MPV17: variants seen among roughly 807,000 people sequenced by gnomAD.
The protein encoded by MPV17 is mitochondrial inner membrane protein MPV17, also known as MPV17, mitochondrial inner membrane protein.
In MPV17, 31 loss-of-function variants were observed where a neutral mutation model predicts 28.6. The observed-to-expected ratio is 1.08, with a 90% CI of 0.81 to 1.46. The LOEUF (loss-of-function observed/expected upper bound fraction) is 1.46. Among genes scored for constraint, MPV17 ranks in the 40% most tolerant of loss-of-function variants. The pLI is 0.00. For missense variants in MPV17, 198 were observed against 216.2 expected (o/e 0.92, Z 0.53); for synonymous variants, 87 against 85.3 (o/e 1.02, Z -0.11).
chr2:27,318,860 G>A (rs1246936028), intron 2 of MPV17, among the ~76,000 whole-genome samples: 2 of 151,192 alleles, frequency 1.3e-5, no homozygotes, highest in East Asian at 2.0e-4. Context: ...CGCCTCCCAG[G>A]CTCAAGCAAT....
At chr2:27,321,506 GT>G (rs1202615632) in intron 2 of MPV17, among the ~76,000 whole-genome samples, 2 of 152,208 alleles carry the variant, frequency 1.3e-5, no homozygotes, top group African/African-American at 4.8e-5. Flanking sequence ...CAGAAGGCCA[GT>G]CATCACTAGA....
At chr2:27,312,797 C>T (rs1277524156) in intron 3 of MPV17, 25 bp from the exon 4 acceptor site, 3 of 1,612,300 alleles carry the variant, frequency 1.9e-6, no homozygotes, top group Admixed American at 1.7e-5. Flanking sequence ...CAGATAGCAG[C>T]AGGCTGCAGT....
chr2:27,309,770 C>A lies in MPV17; in HGVS notation c.*142G>T. On this transcript the variant is annotated 3_prime_UTR_variant, in exon 8 of 8. Coordinates refer to ENST00000380044, the MANE Select transcript of MPV17 (RefSeq NM_002437.5). ...GTGTACATTTTAGAGTGAAGAGGGG[C>A]ATTGCAGGGTGCTAGTCCTCTTAAG... 2.8e-6 allele frequency: 2 copies of A among 715,428 alleles called. No individual in the cohort carries two copies. Among genetic ancestry groups the A allele is most frequent in the South Asian group, 1.5e-5 (1 of 67,168 alleles). The allele number at this position is 715,428 out of a possible 1,614,324, so 44.3% of individuals were successfully genotyped here.
chr2:27,310,084 T>C (rs1679372767), intron 7 of MPV17, 103 bp from the exon 8 acceptor site: 9 of 914,940 alleles, frequency 9.8e-6, no homozygotes, highest in South Asian at 5.5e-5. Flanking sequence ...TGACAAAGGA[T>C]TGGCAGGTTT....
In MPV17 at chr2:27,312,707, A is replaced by C. The variant is rs1019758233; in HGVS notation, c.252T>G (p.Asp84Glu). The C allele has an allele frequency of 9.3e-6, 15 of 1,614,102 alleles. No individual in the cohort carries two copies. Among genetic ancestry groups the C allele is most frequent in the Non-Finnish European group, 1.3e-5 (15 of 1,180,052 alleles). Residue 84 changes from aspartate (D) to glutamate (E), a missense_variant, in exon 4 of 8, where the codon GAT (aspartate) becomes GAG (glutamate). Coordinates refer to ENST00000380044, the MANE Select transcript of MPV17 (RefSeq NM_002437.5). ...DRFIPGTTKV[D>E]ALKKMLLDQG... Reference sequence around the variant, plus strand: ...GATCCAACAACATCTTCTTCAGTGCATCCACTTTGGTGGTGCCAGGGATGA... The same window carrying C: ...GATCCAACAACATCTTCTTCAGTGCCTCCACTTTGGTGGTGCCAGGGATGA...
intron 7 of MPV17, chr2:27,311,639 G>C (rs899953027): frequency 6.4e-7 from 1 of 1,550,554 alleles, no homozygotes; most frequent in Admixed American, 2.0e-5. Flanking sequence ...ACGGAGCTCA[G>C]GTGGGATGGA....
intron 2 of MPV17, chr2:27,316,114 C>G (rs1216931300): frequency 6.4e-7 from 1 of 1,551,012 alleles, no homozygotes; most frequent in Non-Finnish European, 8.7e-7. Context: ...TGCACTTCCT[C>G]TCTGTCTTTA....
At position 27,312,891 on chromosome 2, in the gene MPV17, C is replaced by T. The variant is rs1246661999; in HGVS notation, c.186+103G>A. The T allele has an allele frequency of 1.5e-5, 23 of 1,536,846 alleles. No homozygotes were observed. The East Asian group carries it at 1.8e-4, about 12-fold the overall frequency. On this transcript the variant is annotated intron_variant, in intron 3 of 7. Transcript: ENST00000380044. ...AAGTGGACACTAAGAAAAAAGAGGG[C>T]GGCAGGTTGGCTTAGGTGTGAGAGT...
intron 7 of MPV17, 96 bp from the exon 8 acceptor site, chr2:27,310,077 C>A: frequency 1.1e-6 from 1 of 949,366 alleles, no homozygotes; most frequent in Non-Finnish European, 1.7e-6. Flanking sequence ...GGGATCATGA[C>A]AAAGGATTGG....
chr2:27,311,974 T>A (rs374924042), intron 6 of MPV17, 23 bp from the exon 7 acceptor site: 270 of 1,611,792 alleles, frequency 1.7e-4, no homozygotes, highest in Non-Finnish European at 2.2e-4. Context: ...ATGTAAAGGT[T>A]GGATGGCTGC....
chr2:27,321,328 G>T (rs1679851489), intron 2 of MPV17, among the ~76,000 whole-genome samples: 1 of 152,222 alleles, frequency 6.6e-6, no homozygotes, highest in Non-Finnish European at 1.5e-5. Context: ...GACAAGAGGT[G>T]GTTGGGCACC....
chr2:27,311,416 G>A (rs1679434874), intron 7 of MPV17: 2 of 663,952 alleles, frequency 3.0e-6, no homozygotes, highest in Non-Finnish European at 5.1e-6. Flanking sequence ...TGTTCCCTCT[G>A]AAGCGTTCCA....
chr2:27,311,713 T>G (rs1454351348), intron 7 of MPV17, 186 bp downstream of exon 7: 1 of 1,551,536 alleles, frequency 6.4e-7, no homozygotes, highest in Non-Finnish European at 8.7e-7. Flanking sequence ...GCAGACACTC[T>G]GGGACAGTTT....
chr2:27,313,411 G>T (rs935182901), intron 2 of MPV17: 2 of 602,286 alleles, frequency 3.3e-6, no homozygotes, highest in Non-Finnish European at 5.8e-6. Flanking sequence ...AGAATTTAAG[G>T]CCACAGGGCT....
rs1679678049 is a variant in MPV17 at position 27,316,977 on chromosome 2, C to T, written c.71-3868G>A. On this transcript the variant is annotated intron_variant, in intron 2 of 7. Coordinates refer to ENST00000380044, the MANE Select transcript of MPV17 (RefSeq NM_002437.5). ...GCCTCTGAGCAGATCAATTTGGGAC[C>T]ACTTCCTGCCCACTAGTGGAAAAGC... is the stretch of plus-strand genomic sequence containing the variant. The T allele has an allele frequency of 7.8e-6, 9 of 1,160,748 alleles. No homozygotes were observed. The Admixed American group carries it at 1.5e-4, about 20-fold the overall frequency. The allele number at this position is 1,160,748 out of a possible 1,614,324, so 71.9% of individuals were successfully genotyped here. A position where few individuals can be genotyped will look rare whatever the true frequency, so the allele number is the denominator to read the frequency against.
chr2:27,317,365 G>A lies in MPV17; in HGVS notation c.71-4256C>T. The A allele has an allele frequency of 1.3e-6, 1 of 755,806 alleles. No individual in the cohort carries two copies. The highest frequency in any genetic ancestry group is 2.0e-6 in the Non-Finnish European group (1 of 496,264). The allele number at this position is 755,806 out of a possible 1,614,324, so 46.8% of individuals were successfully genotyped here. A position where few individuals can be genotyped will look rare whatever the true frequency, so the allele number is the denominator to read the frequency against. On this transcript the variant is annotated intron_variant, in intron 2 of 7. Coordinates refer to ENST00000380044, the MANE Select transcript of MPV17 (RefSeq NM_002437.5). The surrounding 1 kb of genome is among the most constrained non-coding windows in gnomAD (Gnocchi z 4.0). ...CTGAATGCTCTCCCATTTCTGACCT[G>A]AACCCATCCTACTGCTAGAAAATGA... is the stretch of plus-strand genomic sequence containing the variant.
chr2:27,317,497 T>C lies in MPV17; in HGVS notation c.71-4388A>G, dbSNP rs1456189143. ...TAGTCTCAAGTGCAAGGCAGTATGG[T>C]GGGCAGTGCCCTAGGTTATAACGCC... On this transcript the variant is annotated intron_variant, in intron 2 of 7. Coordinates refer to ENST00000380044, the MANE Select transcript of MPV17 (RefSeq NM_002437.5). This position sits in a 1 kb window ranked among gnomAD's most constrained non-coding sequence, Gnocchi z 4.0. 6.6e-6 allele frequency among the ~76,000 whole-genome samples: 1 copy of C among 152,226 alleles called. No homozygotes were observed. Among genetic ancestry groups the C allele is most frequent in the Non-Finnish European group, 1.5e-5 (1 of 68,034 alleles).
chr2:27,315,169 T>C (rs1485427634), intron 2 of MPV17, among the ~76,000 whole-genome samples: 2 of 152,158 alleles, frequency 1.3e-5, no homozygotes, highest in Admixed American at 1.3e-4. Context: ...TGGTAGGTGC[T>C]CAGAAAATAA....
chr2:27,312,895 A>G, intron 3 of MPV17, 99 bp downstream of exon 3: 3 of 1,526,240 alleles, frequency 2.0e-6, no homozygotes, highest in South Asian at 2.2e-5. Flanking sequence ...AGAGGGCGGC[A>G]GGTTGGCTTA....
Sources: gnomAD v4.1 joint callset for allele counts (sites outside exome capture counted in the v4.1 genomes callset) on GRCh38, gnomAD v4.1.1 for gene constraint, Gnocchi (gnomAD v3.1) non-coding constraint, MANE v1.5 for transcripts, NCBI Gene and HGNC (gene_info 2026-07-23, HGNC 2026-07-21) for gene names.